RBM46: variants seen among roughly 807,000 people sequenced by gnomAD.
RBM46 encodes probable RNA-binding protein 46.
RBM46 carries 12 observed loss-of-function variants against 43.3 expected under a neutral mutation model. That is an observed-to-expected ratio of 0.28 (90% CI 0.18 to 0.45). RBM46 has a LOEUF of 0.45. RBM46 is among the 20% of genes least tolerant of loss of function. The pLI, the probability that RBM46 is intolerant of heterozygous loss-of-function variation, is 1.00. For missense variants in RBM46, 412 were observed against 639.1 expected (o/e 0.64, Z 3.83); for synonymous variants, 205 against 207.6 (o/e 0.99, Z 0.11).
chr4:154,826,295 TA>T (rs1184984349), intron 4 of RBM46, among the ~76,000 whole-genome samples: 1 of 151,880 alleles, frequency 6.6e-6, no homozygotes, highest in Non-Finnish European at 1.5e-5. Context: ...CCGTCTCTAC[TA>T]AAAATACAAA....
At chr4:154,806,596 C>T (rs1734917147) in intron 4 of RBM46, among the ~76,000 whole-genome samples, 1 of 151,616 alleles carries the variant, frequency 6.6e-6, no homozygotes, top group South Asian at 2.1e-4. Flanking sequence ...GTTTAATATC[C>T]CTTCCTTTAT....
At chr4:154,810,706 A>G (rs1268287934) in intron 4 of RBM46, among the ~76,000 whole-genome samples, 1 of 152,164 alleles carries the variant, frequency 6.6e-6, no homozygotes, top group African/African-American at 2.4e-5. Context: ...TTTTAAATCC[A>G]TGAAATATAT....
At chr4:154,796,035 G>T (rs56890297) in intron 1 of RBM46, among the ~76,000 whole-genome samples, 1 of 152,072 alleles carries the variant, frequency 6.6e-6, no homozygotes. Context: ...AGGCATGGTG[G>T]TGTGTGCCTG....
At chr4:154,805,254 A>T (rs1004340434) in intron 4 of RBM46, among the ~76,000 whole-genome samples, 2 of 152,126 alleles carry the variant, frequency 1.3e-5, no homozygotes, top group Non-Finnish European at 2.9e-5. Context: ...TCTTAGTGCA[A>T]CTATGTTGGA....
At position 154,804,765 on chromosome 4, in the gene RBM46, A is replaced by G. The variant is rs142355712; in HGVS notation, c.1402+5201A>G. On this transcript the variant is annotated intron_variant, in intron 4 of 4. Transcript: ENST00000281722. ...GTCACTAACATGTGCCACTGATTTA[A>G]TTTCATCAGATTTGTGTACTGTTGT... Among the ~76,000 whole-genome samples, 72 of 148,622 alleles carry G rather than the reference A, an allele frequency of 4.8e-4. 1 individual carries two copies. In the East Asian group the frequency reaches 0.013, roughly 28 times the overall value.
At chr4:154,818,214 A>T (rs149785705) in intron 4 of RBM46, among the ~76,000 whole-genome samples, 1 of 152,238 alleles carries the variant, frequency 6.6e-6, no homozygotes, top group Non-Finnish European at 1.5e-5. Context: ...CTAAGCTTCC[A>T]CTAGAATTGT....
At chr4:154,783,959 G>C (rs1409261273) in intron 1 of RBM46, among the ~76,000 whole-genome samples, 1 of 152,134 alleles carries the variant, frequency 6.6e-6, no homozygotes, top group Non-Finnish European at 1.5e-5. Context: ...AGTGCAGTCT[G>C]TCACTAAAAT....
chr4:154,799,992 C>G (rs532420528), intron 4 of RBM46, among the ~76,000 whole-genome samples: 3 of 152,078 alleles, frequency 2.0e-5, no homozygotes, highest in South Asian at 4.2e-4. Flanking sequence ...AGGATGGTCT[C>G]GATCTCCTGA....
At position 154,796,962 on chromosome 4, in the gene RBM46, T is replaced by C. The variant is rs1463888547; in HGVS notation, c.151+59T>C. ...CTTTAACCTCGTCATGTAGATTAGA[T>C]GTGTATCCCCACAAGTATTCCAAAC... On this transcript the variant is annotated intron_variant, in intron 2 of 4. Coordinates refer to ENST00000281722, the MANE Select transcript of RBM46 (RefSeq NM_144979.5). 5.6e-6 allele frequency: 8 copies of C among 1,416,924 alleles called. No individual in the cohort carries two copies. The African/African-American group carries it at 1.1e-4, about 20-fold the overall frequency. The allele number at this position is 1,416,924 out of a possible 1,614,324, so 87.8% of individuals were successfully genotyped here.
intron 1 of RBM46, 125 bp from the exon 2 acceptor site, chr4:154,796,617 A>G (rs1578907709): frequency 1.6e-6 from 1 of 630,550 alleles, no homozygotes; most frequent in South Asian, 2.3e-5. Flanking sequence ...ACCTCAGAGG[A>G]CAGTGAAGGC....
intron 4 of RBM46, among the ~76,000 whole-genome samples, chr4:154,822,689 G>A (rs1735774767): frequency 6.6e-6 from 1 of 151,202 alleles, no homozygotes; most frequent in East Asian, 1.9e-4. Context: ...GGTACAATGA[G>A]GATTTTTTTT....
chr4:154,796,792 A>G lies in RBM46; in HGVS notation c.40A>G (p.Lys14Glu). Residue 14 changes from lysine to glutamate, a missense_variant, in exon 2 of 5, where the codon AAA becomes GAA. This residue lies in a region of RBM46 where 23 missense variants were observed against 22.9 expected (regional missense o/e 1.00). Coordinates refer to ENST00000281722, the MANE Select transcript of RBM46 (RefSeq NM_144979.5). ...ENIDGTNGCSKVRTGIQNEAA... is the reference protein window; with the variant it reads ...ENIDGTNGCSEVRTGIQNEAA... ...TATAGATGGAACAAATGGATGCAGT[A>G]AAGTTCGAACTGGTATTCAGAATGA... 3.1e-6 allele frequency: 5 copies of G among 1,613,006 alleles called. No individual in the cohort carries two copies. The South Asian group carries it at 3.3e-5, about 11-fold the overall frequency.
chr4:154,796,709 A>G, intron 1 of RBM46, 33 bp from the exon 2 acceptor site: 1 of 1,441,348 alleles, frequency 6.9e-7, no homozygotes, highest in South Asian at 1.3e-5. Context: ...ATTCTGTTGT[A>G]AACTTAACCA....
In RBM46 at chr4:154,827,889, C is replaced by T; in HGVS notation, c.1424C>T (p.Ser475Leu). 7 of 1,613,898 alleles carry T rather than the reference C, an allele frequency of 4.3e-6. No individual in the cohort carries two copies. The highest frequency in any genetic ancestry group is 5.9e-6 in the Non-Finnish European group (7 of 1,179,826). ...LHLDYNFHRSSINSLSPVSAT... is the reference protein window; with the variant it reads ...LHLDYNFHRSLINSLSPVSAT... ...ACAGACTACAATTTCCATCGCAGCT[C>T]AATAAATAGTCTTTCCCCTGTTAGT... is the stretch of plus-strand genomic sequence containing the variant. The change falls in exon 5 of 5, where the codon TCA becomes TTA. Residue 475 changes from serine (S) to leucine (L), a missense_variant. Coordinates refer to ENST00000281722, the MANE Select transcript of RBM46 (RefSeq NM_144979.5).
At chr4:154,798,648 A>G in intron 3 of RBM46, 134 bp from the exon 4 acceptor site, 1 of 665,522 alleles carries the variant, frequency 1.5e-6, no homozygotes, top group Non-Finnish European at 2.3e-6. Flanking sequence ...TTGTGTGAAT[A>G]GGAAACAAAT....
At chr4:154,819,322 T>C (rs1735614318) in intron 4 of RBM46, among the ~76,000 whole-genome samples, 1 of 152,192 alleles carries the variant, frequency 6.6e-6, no homozygotes. Context: ...CATTCCTTGT[T>C]AGTAGCTCTT....
rs547956285 is a variant in RBM46, at chr4:154,808,276, A to G, written c.1402+8712A>G. Among the ~76,000 whole-genome samples the G allele has an allele frequency of 1.1e-3, 166 of 152,160 alleles. 1 individual carries two copies. Among genetic ancestry groups the G allele is most frequent in the African/African-American group, 3.8e-3 (158 of 41,564 alleles). On this transcript the variant is annotated intron_variant, in intron 4 of 4. Transcript: ENST00000281722. ...GATATAAAACTCCACCTTTTTATAG[A>G]GTAGATAAATCTTTGTTGACCTATG... is the stretch of plus-strand genomic sequence containing the variant.
intron 4 of RBM46, among the ~76,000 whole-genome samples, chr4:154,812,283 G>A (rs961517309): frequency 2.6e-5 from 4 of 152,034 alleles, no homozygotes; most frequent in Admixed American, 2.0e-4. Context: ...AGACTATTTT[G>A]GCTTTAGGAA....
At chr4:154,813,716 G>A (rs1735295637) in intron 4 of RBM46, among the ~76,000 whole-genome samples, 2 of 151,966 alleles carry the variant, frequency 1.3e-5, no homozygotes, top group Non-Finnish European at 2.9e-5. Context: ...CTACACAGGT[G>A]TAGACTGAGA....
Sources: gnomAD v4.1 joint callset for allele counts (sites outside exome capture counted in the v4.1 genomes callset) on GRCh38, gnomAD v4.1.1 for gene constraint, gnomAD v4.1.1 regional missense constraint, MANE v1.5 for transcripts, NCBI Gene and HGNC (gene_info 2026-07-23, HGNC 2026-07-21) for gene names.